Variants in RBPMS observed in about 807,000 individuals in gnomAD.
RBPMS encodes RNA binding protein, mRNA processing factor, also known as RNA-binding protein with multiple splicing.
Under a neutral mutation model 26.8 loss-of-function variants are expected in RBPMS, and 7 were observed. That is an observed-to-expected ratio of 0.26 (90% CI 0.15 to 0.49). RBPMS has a LOEUF of 0.49. Among genes scored for constraint, RBPMS ranks in the 20% least tolerant of loss-of-function variants. The pLI is 0.98. For synonymous variants in RBPMS, 96 were observed against 93.3 expected (o/e 1.03, Z -0.17); for missense variants, 186 against 250.0 (o/e 0.74, Z 1.73).
intron 1 of RBPMS, among the ~76,000 whole-genome samples, chr8:30,386,028 G>A (rs1807030988): frequency 6.6e-6 from 1 of 152,174 alleles, no homozygotes. Context: ...GTTATCTGGA[G>A]TCCAAGAAAT....
chr8:30,527,447 A>G (rs1225145068), intron 5 of RBPMS, among the ~76,000 whole-genome samples: 1 of 152,160 alleles, frequency 6.6e-6, no homozygotes, highest in African/African-American at 2.4e-5. Context: ...CTCTTTTCAT[A>G]AATTCTCTTT....
At chr8:30,488,588 C>A (rs1819044476) in intron 4 of RBPMS, among the ~76,000 whole-genome samples, 1 of 152,114 alleles carries the variant, frequency 6.6e-6, no homozygotes, top group Non-Finnish European at 1.5e-5. Flanking sequence ...TTAGGGATGA[C>A]CCTAGGTAAC....
chr8:30,562,023 T>G (rs1411730603), intron 7 of RBPMS: 62 of 985,134 alleles, frequency 6.3e-5, no homozygotes, highest in Non-Finnish European at 7.1e-5. Flanking sequence ...TAGATCCGAA[T>G]AAGATCCGAA....
intron 1 of RBPMS, among the ~76,000 whole-genome samples, chr8:30,452,213 T>C (rs1814667849): frequency 6.6e-6 from 1 of 152,134 alleles, no homozygotes; most frequent in African/African-American, 2.4e-5. Context: ...AAGAAAAATA[T>C]GGGCATTCCT....
chr8:30,388,314 C>T (rs1179625335), intron 1 of RBPMS, among the ~76,000 whole-genome samples: 1 of 151,402 alleles, frequency 6.6e-6, no homozygotes, highest in African/African-American at 2.4e-5. Context: ...TATAATAGAT[C>T]CATAATTATT....
chr8:30,461,293 T>A (rs978058512), intron 1 of RBPMS, among the ~76,000 whole-genome samples: 1 of 152,234 alleles, frequency 6.6e-6, no homozygotes, highest in African/African-American at 2.4e-5. Flanking sequence ...GGGACAATTT[T>A]TCTTCAACAT....
chr8:30,444,748 T>C (rs1313973792), intron 1 of RBPMS: 1 of 152,226 alleles, frequency 6.6e-6, no homozygotes, highest in East Asian at 1.9e-4. Context: ...TCCATGTTCC[T>C]CCTCACTCCA....
chr8:30,439,641 C>CT lies in RBPMS; in HGVS notation c.67-35128dup, dbSNP rs143963703. Among the ~76,000 whole-genome samples the CT allele has an allele frequency of 3.9e-3, 587 of 149,214 alleles. 6 individuals carry two copies. Among genetic ancestry groups the CT allele is most frequent in the African/African-American group, 0.013 (529 of 40,726 alleles). The stretch of plus-strand genomic sequence containing the variant: ...CTCTTGCTAATTGCCCGTTTTTTGA[C>CT]TTTTTTTTTTCCTTTTGTTTTGTTT... On this transcript the variant is annotated intron_variant, in intron 1 of 8. Transcript: ENST00000397323.
At position 30,385,012 on chromosome 8, in the gene RBPMS, G is replaced by C. The variant is rs1347542680; in HGVS notation, c.-81G>C. The stretch of plus-strand genomic sequence containing the variant: ...CGCCCGAGGGAGCCCCGGCGCCCGG[G>C]GAAGGCTCCAGTGGGCTAGCGCGCC... On this transcript the variant is annotated 5_prime_UTR_variant, in exon 1 of 9. Transcript: ENST00000397323. 1.7e-6 allele frequency: 2 copies of C among 1,162,704 alleles called. No individual in the cohort carries two copies. Among genetic ancestry groups the C allele is most frequent in the African/African-American group, 1.7e-5 (1 of 60,494 alleles). 72.0% of individuals were successfully genotyped at this position (1,162,704 alleles called of 1,614,324 possible).
intron 5 of RBPMS, among the ~76,000 whole-genome samples, chr8:30,510,086 A>T (rs1483422739): frequency 6.6e-6 from 1 of 152,226 alleles, no homozygotes; most frequent in African/African-American, 2.4e-5. Flanking sequence ...AGTAGGGCCG[A>T]AAATAATACC....
At chr8:30,505,099 CT>C (rs1466350005) in intron 5 of RBPMS, among the ~76,000 whole-genome samples, 3 of 152,158 alleles carry the variant, frequency 2.0e-5, no homozygotes, top group African/African-American at 7.2e-5. Flanking sequence ...CCATTTCTGC[CT>C]TTCCCTGAAT....
At chr8:30,538,485 A>G (rs1825040852) in intron 5 of RBPMS, among the ~76,000 whole-genome samples, 1 of 152,114 alleles carries the variant, frequency 6.6e-6, no homozygotes, top group Non-Finnish European at 1.5e-5. Context: ...TGAACTCCTG[A>G]CCTCAAGTAA....
At chr8:30,465,511 G>A (rs751219408) in intron 1 of RBPMS, among the ~76,000 whole-genome samples, 5 of 152,224 alleles carry the variant, frequency 3.3e-5, no homozygotes, top group Non-Finnish European at 7.3e-5. Context: ...ATCAGGCGGG[G>A]CACAGTGGCT....
chr8:30,436,421 C>G (rs1585451588), intron 1 of RBPMS, among the ~76,000 whole-genome samples: 1 of 152,280 alleles, frequency 6.6e-6, no homozygotes. Context: ...TTCTCTTGAG[C>G]CTTGCTTTTT....
intron 4 of RBPMS, among the ~76,000 whole-genome samples, chr8:30,493,209 C>A (rs1819578860): frequency 6.6e-6 from 1 of 152,182 alleles, no homozygotes; most frequent in Admixed American, 6.5e-5. Flanking sequence ...CCCCAAATCA[C>A]CCCAAGGTCT....
At chr8:30,443,466 T>C (rs1020360541) in intron 1 of RBPMS, among the ~76,000 whole-genome samples, 5 of 152,332 alleles carry the variant, frequency 3.3e-5, no homozygotes, top group African/African-American at 1.2e-4. Flanking sequence ...TAACCCTTAG[T>C]TTCCTTAGCT....
intron 5 of RBPMS, among the ~76,000 whole-genome samples, chr8:30,526,021 G>C (rs538394535): frequency 6.6e-6 from 1 of 152,226 alleles, no homozygotes; most frequent in South Asian, 2.1e-4. Context: ...ATGTCCTTTT[G>C]ATGAAAAGCC....
chr8:30,426,674 G>A (rs567567349), intron 1 of RBPMS, among the ~76,000 whole-genome samples: 1 of 149,910 alleles, frequency 6.7e-6, no homozygotes, highest in East Asian at 2.0e-4. Context: ...TGCTTGCAGT[G>A]ATTTTCTTTT....
intron 1 of RBPMS, among the ~76,000 whole-genome samples, chr8:30,425,719 A>G (rs1055373530): frequency 1.3e-5 from 2 of 151,868 alleles, no homozygotes; most frequent in Non-Finnish European, 2.9e-5. Context: ...TTTTTCTTAA[A>G]GGGTTTTGGT....
Sources: gnomAD v4.1 joint callset for allele counts (sites outside exome capture counted in the v4.1 genomes callset) on GRCh38, gnomAD v4.1.1 for gene constraint, MANE v1.5 for transcripts, NCBI Gene and HGNC (gene_info 2026-07-23, HGNC 2026-07-21) for gene names.